PRKG1: variants seen among roughly 807,000 people sequenced by gnomAD.
PRKG1 encodes the protein protein kinase cGMP-dependent 1.
A neutral mutation model predicts 88.1 loss-of-function variants in PRKG1; 35 were observed. The observed-to-expected ratio is 0.40, with a 90% CI of 0.30 to 0.53. The LOEUF is 0.53. Ranked by LOEUF, PRKG1 falls within the 20% of genes least tolerant of loss-of-function variation. PRKG1 has a pLI of 0.59. For synonymous variants in PRKG1, 303 were observed against 292.5 expected (o/e 1.04, Z -0.37); for missense variants, 540 against 839.8 (o/e 0.64, Z 4.41).
intron 3 of PRKG1, among the ~76,000 whole-genome samples, chr10:51,644,890 C>A (rs114979501): frequency 2.0e-5 from 3 of 152,082 alleles, no homozygotes; most frequent in Admixed American, 2.0e-4. Context: ...TGGGTTCAAG[C>A]GATTCTCCCA....
chr10:51,952,247 C>T (rs1447716478), intron 5 of PRKG1, among the ~76,000 whole-genome samples: 1 of 152,144 alleles, frequency 6.6e-6, no homozygotes, highest in African/African-American at 2.4e-5. Flanking sequence ...GGGCTGCTTG[C>T]CCGACCTACT....
At chr10:51,731,544 G>A (rs78596369) in intron 3 of PRKG1, among the ~76,000 whole-genome samples, 85 of 152,172 alleles carry the variant, frequency 5.6e-4, no homozygotes, top group African/African-American at 1.9e-3. Context: ...AAAATATTCG[G>A]GACTTCCAGT....
intron 2 of PRKG1, among the ~76,000 whole-genome samples, chr10:51,208,800 G>A (rs1838133625): frequency 6.6e-6 from 1 of 152,094 alleles, no homozygotes; most frequent in African/African-American, 2.4e-5. Flanking sequence ...TGACATGTTG[G>A]GAAATACTCC....
intron 3 of PRKG1, among the ~76,000 whole-genome samples, chr10:51,498,376 A>G (rs930856593): frequency 1.3e-5 from 2 of 152,226 alleles, no homozygotes; most frequent in South Asian, 2.1e-4. Context: ...TAATCTAGCT[A>G]TGTTTACATT....
At chr10:52,037,176 C>A (rs1215789673) in intron 5 of PRKG1, among the ~76,000 whole-genome samples, 2 of 152,212 alleles carry the variant, frequency 1.3e-5, no homozygotes, top group Non-Finnish European at 2.9e-5. Flanking sequence ...TAGGAGGAAT[C>A]CCGGGCTGCA....
chr10:51,161,692 T>C (rs555163854), intron 2 of PRKG1, among the ~76,000 whole-genome samples: 4 of 152,208 alleles, frequency 2.6e-5, no homozygotes, highest in Non-Finnish European at 5.9e-5. Context: ...TTTCCCATCT[T>C]ATTCTTACTT....
At chr10:51,943,529 G>A (rs1224297509) in intron 5 of PRKG1, among the ~76,000 whole-genome samples, 3 of 151,962 alleles carry the variant, frequency 2.0e-5, no homozygotes, top group Non-Finnish European at 4.4e-5. Context: ...CCTGTCTTAT[G>A]CCAGTTTTCA....
intron 1 of PRKG1, among the ~76,000 whole-genome samples, chr10:51,125,546 A>G (rs1215469323): frequency 2.7e-5 from 4 of 149,470 alleles, no homozygotes; most frequent in African/African-American, 9.7e-5. Context: ...GCTGGGCATG[A>G]TGGCGGGTGC....
At chr10:51,059,240 A>G (rs1050114247) in intron 1 of PRKG1, among the ~76,000 whole-genome samples, 1 of 152,120 alleles carries the variant, frequency 6.6e-6, no homozygotes, top group African/African-American at 2.4e-5. Context: ...GAATGTGGTG[A>G]TTATGGACAT....
chr10:51,183,220 G>T lies in PRKG1; in HGVS notation c.478+29890G>T, dbSNP rs775715882. Among the ~76,000 whole-genome samples the T allele has an allele frequency of 1.3e-3, 198 of 152,244 alleles. 2 individuals carry two copies. The highest frequency in any genetic ancestry group is 2.2e-3 in the Non-Finnish European group (150 of 68,016). ...TGTAATGACAATGCCACCCAACCCT[G>T]CAGGCTCTAGTGAAATATGCAGTTA... On this transcript the variant is annotated intron_variant, in intron 2 of 17. Coordinates refer to ENST00000373980, the MANE Select transcript of PRKG1 (RefSeq NM_006258.4).
At chr10:51,148,354 G>A (rs751673280) in intron 1 of PRKG1, 5 of 797,750 alleles carry the variant, frequency 6.3e-6, no homozygotes, top group Non-Finnish European at 7.6e-6. Flanking sequence ...TGATGTTTTT[G>A]GTTAAAAATT....
intron 7 of PRKG1, among the ~76,000 whole-genome samples, chr10:52,088,283 AC>A (rs1846966281): frequency 6.6e-6 from 1 of 151,414 alleles, no homozygotes. Flanking sequence ...TTAATAAAAT[AC>A]TATTTAATGA....
At chr10:50,994,075 C>G (rs149633236) in intron 1 of PRKG1, among the ~76,000 whole-genome samples, 1 of 152,284 alleles carries the variant, frequency 6.6e-6, no homozygotes, top group African/African-American at 2.4e-5. Context: ...TAAACTTTTT[C>G]CCACTCAGCG....
intron 7 of PRKG1, chr10:52,128,377 T>G: frequency 1.0e-6 from 1 of 985,422 alleles, no homozygotes; most frequent in Middle Eastern, 5.2e-4. Flanking sequence ...GAGGTATCAA[T>G]GAACGCTAGA....
chr10:51,196,694 T>G (rs1489981765), intron 2 of PRKG1, among the ~76,000 whole-genome samples: 1 of 152,130 alleles, frequency 6.6e-6, no homozygotes, highest in Admixed American at 6.6e-5. Context: ...AGCAGAAAGT[T>G]TAAACTTCAG....
intron 9 of PRKG1, among the ~76,000 whole-genome samples, chr10:52,188,317 T>C (rs1839272375): frequency 1.0e-5 from 1 of 96,440 alleles, no homozygotes; most frequent in Non-Finnish European, 1.9e-5. Context: ...TATATACATA[T>C]GTATATATAT....
At chr10:51,421,832 C>G (rs1188705855) in intron 2 of PRKG1, among the ~76,000 whole-genome samples, 1 of 152,174 alleles carries the variant, frequency 6.6e-6, no homozygotes, top group Non-Finnish European at 1.5e-5. Flanking sequence ...TGGAAAAATA[C>G]TTGTGTAGGA....
chr10:51,772,257 A>G (rs1838323025), intron 3 of PRKG1, among the ~76,000 whole-genome samples: 1 of 152,168 alleles, frequency 6.6e-6, no homozygotes. Context: ...TTGATGTAGT[A>G]ACTCCATTTG....
At chr10:51,107,810 C>CAAAA (rs150587434) in intron 1 of PRKG1, among the ~76,000 whole-genome samples, 4 of 63,308 alleles carry the variant, frequency 6.3e-5, no homozygotes, top group African/African-American at 1.2e-4. Flanking sequence ...AACCCTGTCT[C>CAAAA]AAAAAAAAAA....
Sources: allele counts gnomAD v4.1 joint callset (sites outside exome capture counted in the v4.1 genomes callset), GRCh38; gene constraint gnomAD v4.1.1; transcripts MANE v1.5; gene names NCBI Gene and HGNC (gene_info 2026-07-23, HGNC 2026-07-21).